The following KLHL13 variants were observed in gnomAD, a reference collection of about 807,000 sequenced individuals.
KLHL13 encodes the protein kelch-like protein 13.
Under a neutral mutation model 37.1 loss-of-function variants are expected in KLHL13, and 10 were observed. The ratio of observed to expected loss-of-function variants is 0.27; its 90% CI spans 0.17 to 0.46. KLHL13 has a LOEUF of 0.46. Ranked by LOEUF, KLHL13 falls within the 20% of genes least tolerant of loss-of-function variation. The pLI, the probability that KLHL13 is intolerant of heterozygous loss-of-function variation, is 1.00. For synonymous variants in KLHL13, 163 were observed against 181.2 expected (o/e 0.90, Z 0.81); for missense variants, 360 against 509.3 (o/e 0.71, Z 2.82).
chrX:118,116,904 G>T (rs112534479), upstream of KLHL13: 4 of 103,521 alleles, frequency 3.9e-5, no homozygotes, highest in African/African-American at 7.1e-5. Context: ...CATGGCGGCG[G>T]GGGTGGCCCC....
upstream of KLHL13, among the ~76,000 whole-genome samples, chrX:117,978,432 G>A (rs2053618768): frequency 9.0e-6 from 1 of 111,591 alleles, no homozygotes; most frequent in Non-Finnish European, 1.9e-5. Context: ...AGGAACACTA[G>A]GTAATGGATC....
At chrX:117,926,167 A>G (rs1253711138) in intron 2 of KLHL13, among the ~76,000 whole-genome samples, 6 of 112,333 alleles carry the variant, frequency 5.3e-5, no homozygotes, top group Non-Finnish European at 7.5e-5. Flanking sequence ...AAATATATGG[A>G]AAAAAAGTTT....
chrX:118,085,252 G>GT (rs1207919421), intron 1 of KLHL13, among the ~76,000 whole-genome samples: 1 of 110,610 alleles, frequency 9.0e-6, no homozygotes, highest in Non-Finnish European at 1.9e-5. Context: ...CATTGAAAAC[G>GT]TTATGCTAAG....
chrX:117,986,754 T>C (rs917736342), intron 1 of KLHL13, among the ~76,000 whole-genome samples: 23 of 112,248 alleles, frequency 2.0e-4, no homozygotes, highest in African/African-American at 7.1e-4. Flanking sequence ...TTCTGTGATA[T>C]CTTACATGGT....
At chrX:117,930,340 G>C (rs1932387606) in intron 2 of KLHL13, among the ~76,000 whole-genome samples, 1 of 107,351 alleles carries the variant, frequency 9.3e-6, no homozygotes, top group Non-Finnish European at 1.9e-5. Context: ...AAGGCAGGAA[G>C]GCAGGCAGGC....
chrX:117,937,732 CTTTA>C (rs1932822563), intron 2 of KLHL13, among the ~76,000 whole-genome samples: 1 of 111,556 alleles, frequency 9.0e-6, no homozygotes, highest in African/African-American at 3.3e-5. Flanking sequence ...TTTTTAATAG[CTTTA>C]TTGAGATACA....
At chrX:118,067,917 ACAGT>A (rs1410297757) in intron 1 of KLHL13, among the ~76,000 whole-genome samples, 1 of 112,105 alleles carries the variant, frequency 8.9e-6, no homozygotes, top group Non-Finnish European at 1.9e-5. Flanking sequence ...AACCAGTAAC[ACAGT>A]CATTTATTAT....
At chrX:117,957,864 C>G (rs962319519) in intron 1 of KLHL13, among the ~76,000 whole-genome samples, 1 of 111,609 alleles carries the variant, frequency 9.0e-6, no homozygotes, top group Non-Finnish European at 1.9e-5. Flanking sequence ...TTATGATGAA[C>G]AGCATGCAAA....
intron 1 of KLHL13, among the ~76,000 whole-genome samples, chrX:118,050,418 T>C (rs1179252933): frequency 8.9e-6 from 1 of 112,108 alleles, no homozygotes; most frequent in East Asian, 2.8e-4. Flanking sequence ...CTTACAAACA[T>C]TCATTAAGTA....
intron 1 of KLHL13, among the ~76,000 whole-genome samples, chrX:118,093,615 A>T (rs1321331192): frequency 8.9e-6 from 1 of 112,017 alleles, no homozygotes; most frequent in African/African-American, 3.2e-5. Context: ...TATTTTTAGG[A>T]TTTCAATCAG....
At chrX:117,916,196 C>G (rs1359468666) in intron 4 of KLHL13, among the ~76,000 whole-genome samples, 1 of 111,372 alleles carries the variant, frequency 9.0e-6, no homozygotes, top group Non-Finnish European at 1.9e-5. Context: ...AAAACACTAG[C>G]TAATGGGCAC....
chrX:118,093,297 T>A (rs1276772739), intron 1 of KLHL13, among the ~76,000 whole-genome samples: 1 of 112,057 alleles, frequency 8.9e-6, no homozygotes, highest in Non-Finnish European at 1.9e-5. Context: ...CTAACATTTA[T>A]TAAATCTTAT....
intron 1 of KLHL13, among the ~76,000 whole-genome samples, chrX:118,019,565 C>A (rs2054174313): frequency 9.0e-6 from 1 of 111,102 alleles, no homozygotes; most frequent in Non-Finnish European, 1.9e-5. Flanking sequence ...GAAGTCCTTG[C>A]CCATGCCTAT....
chrX:118,038,246 A>T lies in KLHL13; in HGVS notation c.-56+78262T>A, dbSNP rs145757358. 2.5e-3 allele frequency among the ~76,000 whole-genome samples: 276 copies of T among 112,345 alleles called. 1 individual carries two copies. The highest frequency in any genetic ancestry group is 8.5e-3 in the African/African-American group (264 of 30,993). On this transcript the variant is annotated intron_variant, in intron 1 of 6. Transcript: ENST00000371882. ...CTCAAGTGAAGGCAATCAGAGCAAG[A>T]TGGCTGAATAGAAGCCTCAAGTGAT...
rs190842704 is a variant in KLHL13, at chrX:118,065,804, A to T, written c.-56+50704T>A. Among the ~76,000 whole-genome samples, 19 of 111,804 alleles carry T rather than the reference A, an allele frequency of 1.7e-4. No individual in the cohort carries two copies. The East Asian group carries it at 5.3e-3, about 31-fold the overall frequency. On this transcript the variant is annotated intron_variant, in intron 1 of 6. Coordinates refer to the KLHL13 transcript ENST00000371882. ...GTAAAAGAAACTCAACTAAGACAGG[A>T]ATAGGTAATGAAACACAAATACGGA...
chrX:117,942,773 C>CTT (rs1933114106), intron 2 of KLHL13, among the ~76,000 whole-genome samples: 1 of 110,316 alleles, frequency 9.1e-6, no homozygotes, highest in Non-Finnish European at 1.9e-5. Flanking sequence ...TGGGCCTTGT[C>CTT]TATCCAATTT....
At chrX:117,963,603 A>G (rs367695527) in intron 1 of KLHL13, among the ~76,000 whole-genome samples, 5,994 of 102,229 alleles carry the variant, frequency 0.059, 499 homozygotes, top group African/African-American at 0.2. Context: ...TGGCTGGGTC[A>G]AATGGTATTT....
intron 1 of KLHL13, among the ~76,000 whole-genome samples, chrX:118,006,593 T>C (rs1284725030): frequency 1.8e-5 from 2 of 112,316 alleles, no homozygotes; most frequent in Non-Finnish European, 3.8e-5. Context: ...TAGACTTAAC[T>C]CTGCCTTCAG....
intron 1 of KLHL13, among the ~76,000 whole-genome samples, chrX:117,983,717 T>G (rs2053692028): frequency 8.9e-6 from 1 of 111,934 alleles, no homozygotes; most frequent in African/African-American, 3.2e-5. Flanking sequence ...AAATTAACTT[T>G]TAAAAACCCT....
Sources: gnomAD v4.1 joint callset for allele counts (sites outside exome capture counted in the v4.1 genomes callset) on GRCh38, gnomAD v4.1.1 for gene constraint, MANE v1.5 for transcripts, NCBI Gene and HGNC (gene_info 2026-07-23, HGNC 2026-07-21) for gene names.